Variants in PIH1D1 observed in about 807,000 individuals in gnomAD.
The protein encoded by PIH1D1 is PIH1 domain containing 1.
A neutral mutation model predicts 38.5 loss-of-function variants in PIH1D1; 28 were observed. The ratio of observed to expected loss-of-function variants is 0.73; its 90% CI spans 0.54 to 1.00. The LOEUF (loss-of-function observed/expected upper bound fraction) is 1.00. PIH1D1 is among the 50% of genes least tolerant of loss of function. The pLI, the probability that PIH1D1 is intolerant of heterozygous loss-of-function variation, is 0.00. For synonymous variants in PIH1D1, 155 were observed against 153.5 expected, an observed-to-expected ratio of 1.01 and a Z score of -0.07; for missense variants, 343 against 369.9, an observed-to-expected ratio of 0.93 and a Z score of 0.60.
chr19:49,451,246 G>A, intron 1 of PIH1D1: 1 of 524,494 alleles, frequency 1.9e-6, no homozygotes, highest in Non-Finnish European at 3.4e-6. Context: ...AGCCAGGATG[G>A]TCTCGATCTC....
Position 49,449,496 on chromosome 19 carries a change from G to C in PIH1D1, c.316C>G (p.Pro106Ala), listed in dbSNP as rs767761675. 6.2e-7 allele frequency: 1 copy of C among 1,614,166 alleles called. No individual in the cohort carries two copies. Among genetic ancestry groups the C allele is most frequent in the Non-Finnish European group, 8.5e-7 (1 of 1,179,996 alleles). The change falls in exon 3 of 9, where the codon CCT (proline) becomes GCT (alanine). Residue 106 changes from proline (P) to alanine (A), a missense_variant. Pro to Ala is a conservative substitution (Grantham distance 27). Transcript: ENST00000262265. ...TGACTTGCATCCAGTTCTGCATGAGGCTCTCCCAGACTCATGGGGATGCGA... is the reference window on the plus strand; with the variant it reads ...TGACTTGCATCCAGTTCTGCATGAGCCTCTCCCAGACTCATGGGGATGCGA... ...GFRIPMSLGE[P>A]HAELDAKGQG...
rs1434954583 is a variant in PIH1D1 at position 49,450,994 on chromosome 19, T to C, written c.91-146A>G. 7 of 1,421,010 alleles carry C rather than the reference T, an allele frequency of 4.9e-6. No individual in the cohort carries two copies. In the Admixed American group the frequency reaches 6.4e-5, roughly 13 times the overall value. The allele number at this position is 1,421,010 out of a possible 1,614,324, so 88.0% of individuals were successfully genotyped here. A position where few individuals can be genotyped will look rare whatever the true frequency, so the allele number is the denominator to read the frequency against. ...TAGGTCCCCTTTCTCCTTTGAGAAC[T>C]AGAAGAACAACCCCAACCCCATTCC... On this transcript the variant is annotated intron_variant, in intron 1 of 8. Transcript: ENST00000262265.
chr19:49,451,322 C>A, intron 1 of PIH1D1, 163 bp downstream of exon 1: 1 of 1,005,970 alleles, frequency 9.9e-7, no homozygotes, highest in Non-Finnish European at 1.4e-6. Context: ...AGCCACCGCG[C>A]CCGGCCCCCC....
intron 1 of PIH1D1, chr19:49,451,261 C>A (rs2079057813): frequency 1.8e-6 from 1 of 552,964 alleles, no homozygotes; most frequent in Admixed American, 3.2e-5. Flanking sequence ...GATCTCCTGA[C>A]CTCGTGATCC....
At chr19:49,447,678 C>T in intron 5 of PIH1D1, 149 bp downstream of exon 5, 1 of 984,696 alleles carries the variant, frequency 1.0e-6, no homozygotes, top group Non-Finnish European at 1.6e-6. Context: ...GTTCCTGGCC[C>T]CGCCCCCTCA....
chr19:49,447,891 C>T lies in PIH1D1; in HGVS notation c.417G>A (p.Arg139=). 6.2e-7 allele frequency: 1 copy of T among 1,614,200 alleles called. No homozygotes were observed. Among genetic ancestry groups the T allele is most frequent in the Non-Finnish European group, 8.5e-7 (1 of 1,180,024 alleles). The change falls in exon 5 of 9, where the codon CGG becomes CGA. Residue 139 remains arginine (R), a synonymous_variant. Transcript: ENST00000262265. ...CCCTGGCGATGGTGATCACGAGCTCCCGCAAGAAATCGCTGTTCTGGGGTG... is the reference window on the plus strand; with the variant it reads ...CCCTGGCGATGGTGATCACGAGCTCTCGCAAGAAATCGCTGTTCTGGGGTG... ...YRRMQNSDFL[R]ELVITIAREG... is the part of the protein sequence containing the mutation.
chr19:49,448,423 ACCTCGG>A (rs1601001111), intron 3 of PIH1D1: 1 of 311,642 alleles, frequency 3.2e-6, no homozygotes, highest in East Asian at 7.9e-5. Context: ...TCTTCTAGCA[ACCTCGG>A]CCCACTGAAT....
Position 49,451,612 on chromosome 19 carries a change from C to T in PIH1D1, c.-38G>A. On this transcript the variant is annotated 5_prime_UTR_variant, in exon 1 of 9. Coordinates refer to ENST00000262265, the MANE Select transcript of PIH1D1 (RefSeq NM_017916.3). ...GAGATCTAGGCGTCCTCGAGACCCT[C>T]AACGTGGGAAACTTTGCCCAGGATC... 1.6e-5 allele frequency: 26 copies of T among 1,607,910 alleles called. No individual in the cohort carries two copies. The highest frequency in any genetic ancestry group is 2.2e-5 in the Non-Finnish European group (26 of 1,178,882).
chr19:49,448,427 C>T, intron 3 of PIH1D1: 1 of 310,398 alleles, frequency 3.2e-6, no homozygotes, highest in Non-Finnish European at 6.2e-6. Flanking sequence ...CTAGCAACCT[C>T]GGCCCACTGA....
intron 2 of PIH1D1, 105 bp downstream of exon 2, chr19:49,450,677 A>ACAC: frequency 2.8e-6 from 1 of 353,418 alleles, no homozygotes; most frequent in South Asian, 2.5e-5. Context: ...GTGTCTGCTC[A>ACAC]CCCCACCCCC....
At chr19:49,451,423 A>G (rs1320959408) in intron 1 of PIH1D1, 62 bp downstream of exon 1, 3 of 1,608,454 alleles carry the variant, frequency 1.9e-6, no homozygotes, top group Non-Finnish European at 2.5e-6. Flanking sequence ...CTGCAGTCCC[A>G]TCTTTGAGCA....
chr19:49,446,995 C>G (rs199782787), intron 7 of PIH1D1, 29 bp downstream of exon 7: 1 of 1,569,534 alleles, frequency 6.4e-7, no homozygotes, highest in South Asian at 1.1e-5. Flanking sequence ...ACCTCATTCC[C>G]CTGCTCTGGT....
intron 1 of PIH1D1, 59 bp from the exon 2 acceptor site, chr19:49,450,907 T>C (rs1336603033): frequency 5.6e-6 from 9 of 1,612,396 alleles, no homozygotes; most frequent in Non-Finnish European, 7.6e-6. Flanking sequence ...CCCTCATTTG[T>C]TCCTCAAATG....
chr19:49,449,799 T>C (rs1601003453), intron 2 of PIH1D1, 145 bp from the exon 3 acceptor site: 1 of 55,710 alleles, frequency 1.8e-5, no homozygotes, highest in East Asian at 7.4e-5. Flanking sequence ...CTTCTCTTTT[T>C]TTTTTTTTTT....
At chr19:49,448,314 C>G in intron 3 of PIH1D1, 1 of 534,464 alleles carries the variant, frequency 1.9e-6, no homozygotes. Context: ...CAGCTCTTCT[C>G]TGGCTCCCCA....
Position 49,451,647 on chromosome 19 carries a change from G to A in PIH1D1, c.-73C>T. 2.5e-6 allele frequency: 4 copies of A among 1,585,292 alleles called. No individual in the cohort carries two copies. Among genetic ancestry groups the A allele is most frequent in the Non-Finnish European group, 3.4e-6 (4 of 1,169,880 alleles). ...AACTTTGCCCAGGATCCGAACCCCAGTGCCTGCTCTGGCCCTCAATCGACT... is the reference window on the plus strand; with the variant it reads ...AACTTTGCCCAGGATCCGAACCCCAATGCCTGCTCTGGCCCTCAATCGACT... On this transcript the variant is annotated 5_prime_UTR_variant, in exon 1 of 9. Coordinates refer to ENST00000262265, the MANE Select transcript of PIH1D1 (RefSeq NM_017916.3).
chr19:49,451,023 T>TTA, intron 1 of PIH1D1, 175 bp from the exon 2 acceptor site: 50 of 1,008,470 alleles, frequency 5.0e-5, no homozygotes, highest in Non-Finnish European at 5.8e-5. Context: ...CCATTCCCAT[T>TTA]TCTTTTTTTT....
At position 49,449,596 on chromosome 19, in the gene PIH1D1, G is replaced by T; in HGVS notation, c.216C>A (p.Ser72=). 2 of 1,614,122 alleles carry T rather than the reference G, an allele frequency of 1.2e-6. No individual in the cohort carries two copies. ...CGTCGGCGGGAGGAGGGATAGAGGG[G>T]GAGTGGCAGATGTTGATGAAAACCT... ...EGKVFINICH[S]PSIPPPADVT... is the part of the protein sequence containing the mutation. The change falls in exon 3 of 9, where the codon TCC becomes TCA. Residue 72 remains serine (S), a synonymous_variant. Transcript: ENST00000262265.
At chr19:49,448,183 G>GA in intron 3 of PIH1D1, 121 bp from the exon 4 acceptor site, 4 of 1,002,982 alleles carry the variant, frequency 4.0e-6, no homozygotes, top group Non-Finnish European at 6.1e-6. Context: ...GAGACATAAG[G>GA]AAGTGAGAGC....
Sources: allele counts gnomAD v4.1 joint callset, GRCh38; gene constraint gnomAD v4.1.1; transcripts MANE v1.5; gene names NCBI Gene and HGNC (gene_info 2026-07-23, HGNC 2026-07-21).